Variants in AGO1 observed in about 807,000 individuals in gnomAD.
AGO1 encodes argonaute RISC component 1, also known as protein argonaute-1.
In AGO1, 11 loss-of-function variants were observed where a neutral mutation model predicts 109.2. The observed-to-expected ratio is 0.10, with a 90% confidence interval of 0.06 to 0.17. The LOEUF (loss-of-function observed/expected upper bound fraction) is 0.17. Among genes scored for constraint, AGO1 ranks in the 10% least tolerant of loss-of-function variants. The pLI is 1.00. For synonymous variants in AGO1, 422 were observed against 418.6 expected, an observed-to-expected ratio of 1.01 and a Z score of -0.10; for missense variants, 574 against 1,140.3, an observed-to-expected ratio of 0.50 and a Z score of 7.15.
Position 35,927,318 on chromosome 1 carries a change from T to A in AGO1, c.*7711T>A, listed in dbSNP as rs1645949979. The A allele has an allele frequency of 6.6e-6, 1 of 152,188 alleles. No homozygotes were observed. Among genetic ancestry groups the A allele is most frequent in the South Asian group, 2.1e-4 (1 of 4,830 alleles). 9.4% of individuals were successfully genotyped at this position (152,188 alleles called of 1,614,324 possible). A position where few individuals can be genotyped will look rare whatever the true frequency, so the allele number is the denominator to read the frequency against. ...ATTTCATATGACAAGAAATCCTAAT[T>A]TAATGTTACTCCAAGGTTGGTTAAT... On this transcript the variant is annotated 3_prime_UTR_variant, in exon 19 of 19. Transcript: ENST00000373204.
chr1:35,890,074 G>A (rs955331014), intron 2 of AGO1, among the ~76,000 whole-genome samples: 20 of 151,832 alleles, frequency 1.3e-4, no homozygotes, highest in Admixed American at 9.2e-4. Context: ...CCAGGCTAGA[G>A]TGCAGTGGCG....
chr1:35,893,099 C>G lies in AGO1; in HGVS notation c.333C>G (p.Val111=). Residue 111 remains valine (V), a splice_region_variant and synonymous_variant, in exon 4 of 19, where the codon GTC becomes GTG. Coordinates refer to ENST00000373204, the MANE Select transcript of AGO1 (RefSeq NM_012199.5). This position sits in a 1 kb window ranked among gnomAD's most constrained non-coding sequence, Gnocchi z 5.6. ...CCCTTTCTTTCACCCTCCTGAAGGTCGACTTTGAGGTGACAATCCCTGGGG... is the reference window on the plus strand; with the variant it reads ...CCCTTTCTTTCACCCTCCTGAAGGTGGACTTTGAGGTGACAATCCCTGGGG... The part of the protein sequence containing the change: ...VTALPIGNER[V]DFEVTIPGEG... The G allele has an allele frequency of 1.2e-6, 2 of 1,613,622 alleles. No homozygotes were observed. Among genetic ancestry groups the G allele is most frequent in the Non-Finnish European group, 1.7e-6 (2 of 1,179,746 alleles).
chr1:35,912,875 C>G (rs1645663364), intron 12 of AGO1, among the ~76,000 whole-genome samples: 1 of 151,246 alleles, frequency 6.6e-6, no homozygotes. Context: ...CCCGGCTGGC[C>G]TATTTTTATT....
rs1645867458 is a variant in AGO1 at position 35,923,360 on chromosome 1, T to C, written c.*3753T>C. 6.6e-6 allele frequency: 1 copy of C among 152,248 alleles called. No individual in the cohort carries two copies. The highest frequency in any genetic ancestry group is 2.4e-5 in the African/African-American group (1 of 41,432). 9.4% of individuals were successfully genotyped at this position (152,248 alleles called of 1,614,324 possible). ...GGTGCACTGACTATTAGCTGGCCCA[T>C]AGGATATCTGTAAGGCTGGTGGGAC... On this transcript the variant is annotated 3_prime_UTR_variant, in exon 19 of 19. Coordinates refer to ENST00000373204, the MANE Select transcript of AGO1 (RefSeq NM_012199.5).
chr1:35,877,032 G>T (rs1230702472), intron 1 of AGO1, among the ~76,000 whole-genome samples: 3 of 152,152 alleles, frequency 2.0e-5, no homozygotes, highest in Admixed American at 6.5e-5. Flanking sequence ...AAGCTGCTAG[G>T]CTTTCCTGTT....
At chr1:35,911,126 A>G (rs1212989827) in intron 12 of AGO1, among the ~76,000 whole-genome samples, 2 of 152,212 alleles carry the variant, frequency 1.3e-5, no homozygotes, top group Admixed American at 6.5e-5. Flanking sequence ...TCCTTTGAAC[A>G]TGTATAACCA....
intron 1 of AGO1, among the ~76,000 whole-genome samples, chr1:35,885,817 G>A (rs1341034749): frequency 6.6e-6 from 1 of 152,150 alleles, no homozygotes; most frequent in Non-Finnish European, 1.5e-5. Context: ...CAGAATACAT[G>A]TTTATTAATT....
chr1:35,915,762 T>G (rs1645723166), intron 15 of AGO1, among the ~76,000 whole-genome samples: 1 of 152,216 alleles, frequency 6.6e-6, no homozygotes, highest in Non-Finnish European at 1.5e-5. Context: ...CCTATTTAAG[T>G]AGTTGGTTCA....
At chr1:35,908,178 G>T (rs972171537) in intron 12 of AGO1, among the ~76,000 whole-genome samples, 2 of 152,140 alleles carry the variant, frequency 1.3e-5, no homozygotes, top group Non-Finnish European at 2.9e-5. Context: ...TTATTCTTTA[G>T]CCTCTTTCAG....
At chr1:35,878,337 G>T (rs1223235083), upstream of AGO1, among the ~76,000 whole-genome samples, 1 of 151,512 alleles carries the variant, frequency 6.6e-6, no homozygotes, top group Non-Finnish European at 1.5e-5. Context: ...CTCCCGGCTC[G>T]GCCTCCCACA....
At position 35,920,019 on chromosome 1, in the gene AGO1, A is replaced by G. The variant is rs949852940; in HGVS notation, c.*412A>G. ...TTGGGTTTGATACTTTAGATGGGAA[A>G]GTGAGGGGCTTGAGAAAGTGGGTGG... On this transcript the variant is annotated 3_prime_UTR_variant, in exon 19 of 19. Transcript: ENST00000373204. 5 of 162,824 alleles carry G rather than the reference A, an allele frequency of 3.1e-5. No individual in the cohort carries two copies. Among genetic ancestry groups the G allele is most frequent in the African/African-American group, 1.2e-4 (5 of 41,774 alleles). 10.1% of individuals were successfully genotyped at this position (162,824 alleles called of 1,614,324 possible).
Position 35,888,309 on chromosome 1 carries a change from A to C in AGO1, c.26-118A>C. ...GAAGCCCTTGGCTGGGTTGGGTAGC[A>C]GGAAAGAGGCATTCTCTATACTCTC... On this transcript the variant is annotated intron_variant, in intron 1 of 18. Coordinates refer to ENST00000373204, the MANE Select transcript of AGO1 (RefSeq NM_012199.5). This position sits in a 1 kb window ranked among gnomAD's most constrained non-coding sequence, Gnocchi z 4.1. The C allele has an allele frequency of 9.8e-7, 1 of 1,021,484 alleles. No individual in the cohort carries two copies. The highest frequency in any genetic ancestry group is 1.4e-6 in the Non-Finnish European group (1 of 700,628). The allele number at this position is 1,021,484 out of a possible 1,614,324, so 63.3% of individuals were successfully genotyped here.
chr1:35,915,108 T>A (rs1645711004), intron 14 of AGO1, among the ~76,000 whole-genome samples: 1 of 152,148 alleles, frequency 6.6e-6, no homozygotes, highest in Non-Finnish European at 1.5e-5. Flanking sequence ...GTGCTTAATA[T>A]GGACCCCAGT....
At chr1:35,918,297 C>T in intron 16 of AGO1, 25 bp from the exon 17 acceptor site, 1 of 1,588,918 alleles carries the variant, frequency 6.3e-7, no homozygotes, top group Non-Finnish European at 8.6e-7. Context: ...GTCTTGGGAT[C>T]TTGGTTGTGT....
intron 17 of AGO1, 102 bp downstream of exon 17, chr1:35,918,525 G>T: frequency 1.0e-6 from 1 of 976,190 alleles, no homozygotes; most frequent in Non-Finnish European, 1.7e-6. Context: ...ATCCAAATTA[G>T]GATTGCTCTC....
intron 8 of AGO1, 87 bp downstream of exon 8, chr1:35,895,356 T>G: frequency 7.0e-7 from 1 of 1,427,390 alleles, no homozygotes; most frequent in Non-Finnish European, 9.4e-7. Context: ...ATTTTGAAGT[T>G]TGGAAAACTG....
rs1168993980 is a variant in AGO1, at chr1:35,925,622, G to A, written c.*6015G>A. ...AGTAGTCTGTGGTTTATGAGTATGG[G>A]CTGGGTGGGCAGTGGATCAAGAAGT... On this transcript the variant is annotated 3_prime_UTR_variant, in exon 19 of 19. Transcript: ENST00000373204. 6.6e-6 allele frequency: 1 copy of A among 151,782 alleles called. No homozygotes were observed. The highest frequency in any genetic ancestry group is 2.1e-4 in the South Asian group (1 of 4,792). The allele number at this position is 151,782 out of a possible 1,614,324, so 9.4% of individuals were successfully genotyped here.
intron 8 of AGO1, among the ~76,000 whole-genome samples, chr1:35,896,720 G>A (rs12727197): frequency 0.034 from 5,141 of 152,198 alleles, 140 homozygotes; most frequent in South Asian, 0.07. Context: ...CTAGTCTTCT[G>A]GTGAGCTTCT....
upstream of AGO1, among the ~76,000 whole-genome samples, chr1:35,878,620 A>G (rs541812395): frequency 5.3e-5 from 8 of 152,302 alleles, no homozygotes; most frequent in Admixed American, 1.3e-4. Flanking sequence ...TCCAATAGAC[A>G]TTATTACATT....
Sources: gnomAD v4.1 joint callset for allele counts (sites outside exome capture counted in the v4.1 genomes callset) on GRCh38, gnomAD v4.1.1 for gene constraint, Gnocchi (gnomAD v3.1) non-coding constraint, MANE v1.5 for transcripts, NCBI Gene and HGNC (gene_info 2026-07-23, HGNC 2026-07-21) for gene names.